Variants in PPEF1 observed in about 807,000 individuals in gnomAD.
The protein encoded by PPEF1 is serine/threonine-protein phosphatase with EF-hands 1.
In PPEF1, 12 loss-of-function variants were observed where a neutral mutation model predicts 53.3. That is an observed-to-expected ratio of 0.23 (90% CI 0.14 to 0.36). The LOEUF (loss-of-function observed/expected upper bound fraction) is 0.36. Ranked by LOEUF, PPEF1 falls within the 10% of genes least tolerant of loss-of-function variation. The probability of loss-of-function intolerance (pLI) is 1.00; values close to 1 mark genes in which losing one functional copy is unlikely to be tolerated. For missense variants in PPEF1, 334 were observed against 490.4 expected (o/e 0.68, Z 3.01); for synonymous variants, 165 against 176.7 (o/e 0.93, Z 0.52).
intron 1 of PPEF1, among the ~76,000 whole-genome samples, chrX:18,684,124 G>A (rs962347489): frequency 4.5e-5 from 5 of 112,099 alleles, no homozygotes; most frequent in African/African-American, 1.6e-4. Context: ...CTTGATGGAA[G>A]TTGTTCATTA....
chrX:18,733,859 C>A (rs767496844), intron 3 of PPEF1, 51 bp downstream of exon 3: 21 of 994,969 alleles, frequency 2.1e-5, no homozygotes, highest in Non-Finnish European at 2.9e-5. Flanking sequence ...ATTGAATTGT[C>A]TTCATCAAGA....
Position 18,801,534 on chromosome X carries a change from G to A in PPEF1, c.1066-2358G>A, listed in dbSNP as rs186995609. 3.6e-3 allele frequency among the ~76,000 whole-genome samples: 399 copies of A among 111,998 alleles called. 2 individuals are homozygous for A. Among genetic ancestry groups the A allele is most frequent in the African/African-American group, 0.012 (382 of 30,853 alleles). Reference sequence around the variant, plus strand: ...AAATATAGACTGTTAGAATCAGTCTGTTAGAATCTGAGATACTTTACAGGT... The same window carrying A: ...AAATATAGACTGTTAGAATCAGTCTATTAGAATCTGAGATACTTTACAGGT... On this transcript the variant is annotated intron_variant, in intron 10 of 15. Transcript: ENST00000470157.
At chrX:18,772,786 A>G (rs1464684337) in intron 6 of PPEF1, among the ~76,000 whole-genome samples, 4 of 112,603 alleles carry the variant, frequency 3.6e-5, no homozygotes, top group African/African-American at 1.3e-4. Context: ...GGCTGCAGTC[A>G]TCTGAAAAGT....
At chrX:18,792,341 T>C (rs867298350) in intron 10 of PPEF1, among the ~76,000 whole-genome samples, 11 of 112,391 alleles carry the variant, frequency 9.8e-5, no homozygotes, top group Middle Eastern at 4.6e-3. Flanking sequence ...CTAATTTCAA[T>C]ATTTTTCCTT....
chrX:18,738,220 C>T (rs180807511), intron 3 of PPEF1, among the ~76,000 whole-genome samples: 193 of 111,756 alleles, frequency 1.7e-3, no homozygotes, highest in East Asian at 0.012. Context: ...TTCCTAGCCA[C>T]GATGGTCTTT....
intron 12 of PPEF1, among the ~76,000 whole-genome samples, chrX:18,813,935 C>A (rs1193616282): frequency 1.8e-5 from 2 of 111,401 alleles, no homozygotes; most frequent in African/African-American, 6.5e-5. Context: ...TGAGTGATTT[C>A]ATCACCCAGG....
chrX:18,814,919 G>T (rs1324871009), intron 12 of PPEF1, among the ~76,000 whole-genome samples: 1 of 111,698 alleles, frequency 9.0e-6, no homozygotes, highest in Non-Finnish European at 1.9e-5. Context: ...ATTTGCTAAG[G>T]CTGATGTCCA....
intron 12 of PPEF1, among the ~76,000 whole-genome samples, chrX:18,815,419 C>T (rs1314468138): frequency 1.8e-5 from 2 of 112,126 alleles, no homozygotes; most frequent in African/African-American, 6.5e-5. Context: ...TTAATTCTTC[C>T]TTAAATGTTT....
intron 2 of PPEF1, among the ~76,000 whole-genome samples, chrX:18,731,592 A>G (rs774781888): frequency 1.8e-5 from 2 of 111,957 alleles, no homozygotes; most frequent in African/African-American, 3.2e-5. Flanking sequence ...ATTATTTTCT[A>G]TTGATTCTTT....
intron 15 of PPEF1, among the ~76,000 whole-genome samples, chrX:18,826,574 A>G (rs2047172772): frequency 9.3e-6 from 1 of 107,224 alleles, no homozygotes; most frequent in African/African-American, 3.4e-5. Flanking sequence ...GATTACAGGC[A>G]TGCGCCACCA....
At chrX:18,714,260 T>C (rs1348647434) in intron 1 of PPEF1, among the ~76,000 whole-genome samples, 5 of 88,396 alleles carry the variant, frequency 5.7e-5, no homozygotes, top group Admixed American at 1.6e-4. Flanking sequence ...CTTGGTAAGT[T>C]TGTTTTTCGT....
At chrX:18,770,920 T>G (rs1359137627) in intron 6 of PPEF1, among the ~76,000 whole-genome samples, 1 of 112,883 alleles carries the variant, frequency 8.9e-6, no homozygotes, top group African/African-American at 3.2e-5. Flanking sequence ...TTTCTCTTAC[T>G]TATAATAATT....
intron 6 of PPEF1, among the ~76,000 whole-genome samples, chrX:18,777,155 A>G (rs1285925156): frequency 8.9e-6 from 1 of 112,419 alleles, no homozygotes; most frequent in East Asian, 2.8e-4. Context: ...ACACATGGGT[A>G]ATGAATGGAC....
intron 2 of PPEF1, among the ~76,000 whole-genome samples, chrX:18,685,323 G>T (rs1021112732): frequency 8.9e-6 from 1 of 112,312 alleles, no homozygotes. Flanking sequence ...AAACCAATTA[G>T]TAGGTTGTTT....
chrX:18,774,350 A>C (rs866697311), intron 6 of PPEF1, among the ~76,000 whole-genome samples: 35 of 112,193 alleles, frequency 3.1e-4, no homozygotes, highest in African/African-American at 1.1e-3. Flanking sequence ...CGGCCTCCCA[A>C]AGTGCTGGGA....
At chrX:18,810,990 C>T (rs1809676156) in intron 12 of PPEF1, among the ~76,000 whole-genome samples, 1 of 112,502 alleles carries the variant, frequency 8.9e-6, no homozygotes, top group African/African-American at 3.2e-5. Flanking sequence ...CCATTTCCAC[C>T]ATCAGTGTGT....
intron 2 of PPEF1, among the ~76,000 whole-genome samples, chrX:18,732,632 T>C (rs2044863433): frequency 8.9e-6 from 1 of 112,086 alleles, no homozygotes; most frequent in Non-Finnish European, 1.9e-5. Context: ...AATCATACAT[T>C]TTGATAACTG....
At chrX:18,726,520 C>T (rs1051842628) in intron 1 of PPEF1, among the ~76,000 whole-genome samples, 8 of 111,242 alleles carry the variant, frequency 7.2e-5, no homozygotes, top group African/African-American at 1.6e-4. Context: ...GCAAGAGACT[C>T]GCCTTTCTGA....
chrX:18,749,459 G>C (rs946445282), intron 3 of PPEF1, among the ~76,000 whole-genome samples: 2 of 111,682 alleles, frequency 1.8e-5, no homozygotes, highest in African/African-American at 6.5e-5. Context: ...AGATGTAAGA[G>C]TGGGCAAAAA....
Sources: allele counts gnomAD v4.1 joint callset (sites outside exome capture counted in the v4.1 genomes callset), GRCh38; gene constraint gnomAD v4.1.1; transcripts MANE v1.5; gene names NCBI Gene and HGNC (gene_info 2026-07-23, HGNC 2026-07-21).